The following TMC1 variants were observed in gnomAD, a reference collection of about 807,000 sequenced individuals.
The protein encoded by TMC1 is transmembrane channel-like protein 1.
TMC1 carries 84 observed loss-of-function variants against 105.8 expected under a neutral mutation model. The observed-to-expected ratio is 0.79, with a 90% CI of 0.67 to 0.95. The LOEUF is 0.95. Ranked by LOEUF, TMC1 falls within the 40% of genes least tolerant of loss-of-function variation. The pLI, the probability that TMC1 is intolerant of heterozygous loss-of-function variation, is 0.00. For missense variants in TMC1, 817 were observed against 914.1 expected (o/e 0.89, Z 1.37); for synonymous variants, 315 against 311.5 (o/e 1.01, Z -0.12).
intron 18 of TMC1, among the ~76,000 whole-genome samples, chr9:72,808,318 G>T (rs986284317): frequency 1.3e-5 from 2 of 152,198 alleles, no homozygotes; most frequent in Non-Finnish European, 2.9e-5. Context: ...CTCCCGCAAG[G>T]GGTGCTGTTG....
At chr9:72,545,859 A>G (rs960724359) in intron 1 of TMC1, among the ~76,000 whole-genome samples, 4 of 152,142 alleles carry the variant, frequency 2.6e-5, no homozygotes, top group Non-Finnish European at 4.4e-5. Flanking sequence ...AATTTTCACA[A>G]ATTTTAAAAT....
intron 8 of TMC1, among the ~76,000 whole-genome samples, chr9:72,708,070 C>A (rs1369152838): frequency 6.6e-6 from 1 of 152,134 alleles, no homozygotes; most frequent in African/African-American, 2.4e-5. Context: ...GATCAGTTGG[C>A]TGTAAGTATT....
At chr9:72,834,548 C>T (rs1045440507) in intron 23 of TMC1, among the ~76,000 whole-genome samples, 11 of 152,042 alleles carry the variant, frequency 7.2e-5, no homozygotes, top group African/African-American at 2.2e-4. Flanking sequence ...AAATTACTTC[C>T]GAACTCCTGC....
At chr9:72,751,598 G>A (rs964980625) in intron 10 of TMC1, among the ~76,000 whole-genome samples, 1 of 152,064 alleles carries the variant, frequency 6.6e-6, no homozygotes, top group Non-Finnish European at 1.5e-5. Context: ...GACTATGATG[G>A]GGTAGGTCAC....
At chr9:72,609,008 C>T (rs539885164) in intron 2 of TMC1, among the ~76,000 whole-genome samples, 1 of 152,196 alleles carries the variant, frequency 6.6e-6, no homozygotes, top group Non-Finnish European at 1.5e-5. Flanking sequence ...ATCTCAAGTA[C>T]CTGCTATCTC....
At chr9:72,769,500 A>C (rs1367135146) in intron 12 of TMC1, among the ~76,000 whole-genome samples, 1 of 152,184 alleles carries the variant, frequency 6.6e-6, no homozygotes, top group African/African-American at 2.4e-5. Context: ...GAAGGAAGAG[A>C]TGTCCGCATG....
chr9:72,789,378 T>C, intron 15 of TMC1, 61 bp downstream of exon 15: 1 of 1,552,194 alleles, frequency 6.4e-7, no homozygotes, highest in Non-Finnish European at 8.9e-7. Flanking sequence ...TTGTGGGTTA[T>C]GTTTCTTTGA....
chr9:72,593,386 CTTTTCTTTTCTTT>C (rs949562267), intron 2 of TMC1, among the ~76,000 whole-genome samples: 36 of 151,738 alleles, frequency 2.4e-4, no homozygotes, highest in African/African-American at 6.8e-4. Flanking sequence ...TTTTTCTTTT[CTTTTCTTTTCTTT>C]TTTTCTTTTC....
At chr9:72,775,193 TG>T (rs1210174436) in intron 13 of TMC1, among the ~76,000 whole-genome samples, 1 of 152,122 alleles carries the variant, frequency 6.6e-6, no homozygotes, top group Non-Finnish European at 1.5e-5. Flanking sequence ...CATGGATGGT[TG>T]GTCACCTTGG....
chr9:72,718,368 G>C (rs1342682751), intron 8 of TMC1, among the ~76,000 whole-genome samples: 2 of 152,216 alleles, frequency 1.3e-5, no homozygotes, highest in Non-Finnish European at 2.9e-5. Context: ...CAAGGCTGCT[G>C]TTCAGATTCT....
intron 8 of TMC1, among the ~76,000 whole-genome samples, chr9:72,701,642 A>G (rs184518955): frequency 2.0e-5 from 3 of 152,292 alleles, no homozygotes; most frequent in Admixed American, 2.0e-4. Flanking sequence ...CAAGAACTGA[A>G]ATAGCTATCA....
At chr9:72,658,246 G>A (rs1027449482) in intron 5 of TMC1, among the ~76,000 whole-genome samples, 1 of 151,846 alleles carries the variant, frequency 6.6e-6, no homozygotes, top group Non-Finnish European at 1.5e-5. Context: ...AAAAATTGGG[G>A]GTGCAGGATA....
intron 14 of TMC1, 126 bp downstream of exon 14, chr9:72,788,609 T>A: frequency 9.6e-7 from 1 of 1,045,898 alleles, no homozygotes; most frequent in Non-Finnish European, 1.4e-6. Flanking sequence ...GGTTTCTGCC[T>A]ACCAAGATCT....
chr9:72,816,158 T>G lies in TMC1; in HGVS notation c.1711T>G (p.Phe571Val). The change falls in exon 19 of 24, where the codon TTC (phenylalanine) becomes GTC (valine). Residue 571 changes from phenylalanine to valine, a missense_variant. Phe to Val is a conservative substitution (Grantham distance 50). Coordinates refer to ENST00000297784, the MANE Select transcript of TMC1 (RefSeq NM_138691.3). ...LEYGYPSYTE[F>V]DISGNVLALI... Reference sequence around the variant, plus strand: ...TCTCCTCTAGCCTTCATACACCGAATTCGACATCAGTGGCAACGTCCTCGC... The same window carrying G: ...TCTCCTCTAGCCTTCATACACCGAAGTCGACATCAGTGGCAACGTCCTCGC... 6.2e-7 allele frequency: 1 copy of G among 1,613,524 alleles called. No individual in the cohort carries two copies. Among genetic ancestry groups the G allele is most frequent in the Non-Finnish European group, 8.5e-7 (1 of 1,179,522 alleles).
intron 5 of TMC1, among the ~76,000 whole-genome samples, chr9:72,650,125 T>G (rs980829901): frequency 4.6e-5 from 7 of 152,210 alleles, no homozygotes; most frequent in African/African-American, 7.2e-5. Context: ...AATGATGCAC[T>G]GATGAAAATA....
intron 19 of TMC1, among the ~76,000 whole-genome samples, chr9:72,816,622 C>T (rs1588098297): frequency 1.3e-5 from 2 of 152,074 alleles, no homozygotes; most frequent in South Asian, 4.1e-4. Flanking sequence ...TAAAATGTAA[C>T]TTATAGCTAC....
At chr9:72,757,500 T>G (rs190215805) in intron 12 of TMC1, among the ~76,000 whole-genome samples, 1 of 152,214 alleles carries the variant, frequency 6.6e-6, no homozygotes. Context: ...GTTTCATATT[T>G]CAAATTTTTT....
At chr9:72,736,715 G>A (rs1297652150) in intron 8 of TMC1, among the ~76,000 whole-genome samples, 1 of 152,046 alleles carries the variant, frequency 6.6e-6, no homozygotes, top group Non-Finnish European at 1.5e-5. Flanking sequence ...TGTATACTTA[G>A]TTTTGTGAAT....
chr9:72,697,741 A>G (rs1297636218), intron 7 of TMC1, among the ~76,000 whole-genome samples: 4 of 152,090 alleles, frequency 2.6e-5, no homozygotes, highest in Non-Finnish European at 4.4e-5. Context: ...TAAAGCTTTA[A>G]GGTAATTATA....
Sources: gnomAD v4.1 joint callset for allele counts (sites outside exome capture counted in the v4.1 genomes callset) on GRCh38, gnomAD v4.1.1 for gene constraint, MANE v1.5 for transcripts, NCBI Gene and HGNC (gene_info 2026-07-23, HGNC 2026-07-21) for gene names.